Variants in RASSF8 observed in about 807,000 individuals in gnomAD.
The protein encoded by RASSF8 is Ras association domain family member 8.
RASSF8 carries 22 observed loss-of-function variants against 48.5 expected under a neutral mutation model. The observed-to-expected ratio is 0.45, with a 90% confidence interval of 0.32 to 0.65. The LOEUF (loss-of-function observed/expected upper bound fraction) is 0.65, where lower values mean the gene tolerates loss of function less well. Ranked by LOEUF, RASSF8 falls within the 30% of genes least tolerant of loss-of-function variation. The pLI is 0.03. For missense variants in RASSF8, 418 were observed against 489.2 expected (o/e 0.85, Z 1.37); for synonymous variants, 127 against 171.5 (o/e 0.74, Z 2.03).
At chr12:26,048,430 A>AAAAGC (rs2137198605) in intron 2 of RASSF8, among the ~76,000 whole-genome samples, 1 of 152,274 alleles carries the variant, frequency 6.6e-6, no homozygotes, top group South Asian at 2.1e-4. Context: ...AAAAGAAAAG[A>AAAAGC]AAGATGCATA....
At chr12:26,073,573 C>T (rs887787865), downstream of RASSF8, among the ~76,000 whole-genome samples, 6 of 151,858 alleles carry the variant, frequency 4.0e-5, no homozygotes, top group African/African-American at 7.3e-5. Flanking sequence ...CCCGTCTGTA[C>T]GAAAAGTAAA....
chr12:25,959,508 GA>G (rs1265206808), intron 1 of RASSF8: 2 of 152,236 alleles, frequency 1.3e-5, no homozygotes, highest in African/African-American at 4.8e-5. Context: ...CCTCCGGATG[GA>G]AATCGGATGC....
intron 2 of RASSF8, among the ~76,000 whole-genome samples, chr12:26,015,892 G>A (rs776471665): frequency 1.3e-5 from 2 of 151,948 alleles, no homozygotes; most frequent in Non-Finnish European, 1.5e-5. Flanking sequence ...AACACAAGGC[G>A]GCACTTCTCT....
intron 3 of RASSF8, among the ~76,000 whole-genome samples, chr12:26,059,146 T>C (rs1321059352): frequency 1.3e-5 from 2 of 152,188 alleles, no homozygotes; most frequent in African/African-American, 4.8e-5. Flanking sequence ...TTTGCTTTTA[T>C]CTCAAACCAA....
intron 2 of RASSF8, among the ~76,000 whole-genome samples, chr12:26,009,930 CAGA>C (rs1191609824): frequency 1.3e-5 from 2 of 152,170 alleles, no homozygotes; most frequent in Non-Finnish European, 2.9e-5. Flanking sequence ...GGAGAGAGAT[CAGA>C]AGAAGGCTGT....
At chr12:25,999,607 AGTT>A (rs1381939663) in intron 2 of RASSF8, among the ~76,000 whole-genome samples, 8 of 152,308 alleles carry the variant, frequency 5.3e-5, no homozygotes, top group Admixed American at 5.2e-4. Flanking sequence ...TGCAACCTGT[AGTT>A]CCAGCTACTC....
At chr12:25,967,285 T>G (rs1183545571) in intron 1 of RASSF8, among the ~76,000 whole-genome samples, 1 of 152,206 alleles carries the variant, frequency 6.6e-6, no homozygotes, top group South Asian at 2.1e-4. Context: ...CCTCTTTTCC[T>G]TTCTTTTTTT....
intron 2 of RASSF8, among the ~76,000 whole-genome samples, chr12:26,053,186 T>TGAAA (rs1273551754): frequency 2.3e-5 from 2 of 88,218 alleles, no homozygotes; most frequent in Non-Finnish European, 5.3e-5. Context: ...CTTCCACAAT[T>TGAAA]GAAAAAAAAA....
At chr12:25,976,613 A>G (rs986766918) in intron 1 of RASSF8, among the ~76,000 whole-genome samples, 3 of 152,340 alleles carry the variant, frequency 2.0e-5, no homozygotes, top group East Asian at 3.9e-4. Flanking sequence ...AAGAAGATTC[A>G]GTATCTGGGC....
chr12:25,996,654 A>C (rs1171631505), intron 2 of RASSF8, among the ~76,000 whole-genome samples: 1 of 152,092 alleles, frequency 6.6e-6, no homozygotes, highest in African/African-American at 2.4e-5. Context: ...AGCAGCCTTT[A>C]ATTTTGATCC....
At chr12:26,041,859 C>G (rs1019609445) in intron 2 of RASSF8, among the ~76,000 whole-genome samples, 1 of 151,782 alleles carries the variant, frequency 6.6e-6, no homozygotes, top group African/African-American at 2.4e-5. Flanking sequence ...ATATATTGTA[C>G]CTGTCTTAGT....
At chr12:26,039,590 G>A (rs1165219975) in intron 2 of RASSF8, among the ~76,000 whole-genome samples, 3 of 152,114 alleles carry the variant, frequency 2.0e-5, no homozygotes, top group Non-Finnish European at 4.4e-5. Flanking sequence ...AACCCAGAAG[G>A]TGTTATCTCA....
At chr12:26,023,309 T>C (rs1267956331) in intron 2 of RASSF8, among the ~76,000 whole-genome samples, 1 of 152,092 alleles carries the variant, frequency 6.6e-6, no homozygotes, top group African/African-American at 2.4e-5. Context: ...AGCTCAACAA[T>C]TTCCAAGTAA....
chr12:26,056,269 CCTTT>C (rs1943600540), intron 3 of RASSF8, among the ~76,000 whole-genome samples: 1 of 152,056 alleles, frequency 6.6e-6, no homozygotes, highest in Non-Finnish European at 1.5e-5. Context: ...CATGTTTTAC[CCTTT>C]CTTCTTATTT....
In RASSF8 at chr12:26,078,975, A is replaced by C. The variant is rs1944094531; in HGVS notation, c.1139-58A>C. On this transcript the variant is annotated intron_variant, in intron 5 of 5. Coordinates refer to the RASSF8 transcript ENST00000381352. ...TGAGATCATGATTATGTATACAAAA[A>C]CAAATTCACCAACCTTAACTCTTTT... 2.7e-6 allele frequency: 4 copies of C among 1,492,790 alleles called. No individual in the cohort carries two copies. The Admixed American group carries it at 7.0e-5, about 26-fold the overall frequency. 92.5% of individuals were successfully genotyped at this position (1,492,790 alleles called of 1,614,324 possible).
intron 1 of RASSF8, among the ~76,000 whole-genome samples, chr12:25,974,053 T>C (rs773819471): frequency 4.6e-5 from 7 of 151,792 alleles, no homozygotes; most frequent in Non-Finnish European, 7.4e-5. Context: ...ACAGAGAAGT[T>C]TGGGGCAAGT....
chr12:25,996,771 T>C (rs1245043654), intron 2 of RASSF8, among the ~76,000 whole-genome samples: 3 of 152,190 alleles, frequency 2.0e-5, no homozygotes, highest in African/African-American at 4.8e-5. Flanking sequence ...TTACCTAGCA[T>C]TGAGGTACAT....
intron 4 of RASSF8, among the ~76,000 whole-genome samples, chr12:26,066,897 C>G (rs1303306831): frequency 2.4e-4 from 37 of 152,318 alleles, no homozygotes; most frequent in Admixed American, 2.4e-3. Context: ...TTACAGCTTT[C>G]CAGCTATCCA....
chr12:26,064,598 G>C lies in RASSF8; in HGVS notation c.204G>C (p.Gln68His), dbSNP rs1297503009. The C allele has an allele frequency of 1.2e-6, 2 of 1,614,052 alleles. No individual in the cohort carries two copies. Residue 68 changes from glutamine (Q) to histidine (H), a missense_variant, in exon 4 of 6, where the codon CAG becomes CAC. Transcript: ENST00000689635. ...TCATATCCTTAAACAAATGGGGGCA[G>C]TATGCTAGTGATGTGCAGCTCATTC... ...NPIISLNKWGQYASDVQLILR... is the reference protein window; with the variant it reads ...NPIISLNKWGHYASDVQLILR...
Sources: allele counts gnomAD v4.1 joint callset (sites outside exome capture counted in the v4.1 genomes callset), GRCh38; gene constraint gnomAD v4.1.1; transcripts MANE v1.5; gene names NCBI Gene and HGNC (gene_info 2026-07-23, HGNC 2026-07-21).